Variants in OSBPL8 observed in about 807,000 individuals in gnomAD.
The protein encoded by OSBPL8 is oxysterol binding protein like 8, also known as oxysterol-binding protein-related protein 8.
Under a neutral mutation model 125.5 loss-of-function variants are expected in OSBPL8, and 59 were observed. That is an observed-to-expected ratio of 0.47 (90% CI 0.38 to 0.58). OSBPL8 has a LOEUF of 0.58. OSBPL8 is among the 20% of genes least tolerant of loss of function. The pLI is 0.00. For synonymous variants in OSBPL8, 330 were observed against 338.9 expected (o/e 0.97, Z 0.29); for missense variants, 758 against 1,047.8 (o/e 0.72, Z 3.82).
chr12:76,537,269 G>T (rs1950525015), intron 1 of OSBPL8, among the ~76,000 whole-genome samples: 1 of 151,954 alleles, frequency 6.6e-6, no homozygotes, highest in Non-Finnish European at 1.5e-5. Context: ...CTACTTAAAA[G>T]GTATCAAGAC....
intron 1 of OSBPL8, among the ~76,000 whole-genome samples, chr12:76,514,304 C>T (rs1363353685): frequency 1.4e-5 from 2 of 146,534 alleles, no homozygotes; most frequent in African/African-American, 5.0e-5. Flanking sequence ...GCCACCACGC[C>T]CAGCTAATTT....
intron 4 of OSBPL8, among the ~76,000 whole-genome samples, chr12:76,434,514 T>G (rs898568045): frequency 2.6e-5 from 4 of 152,086 alleles, no homozygotes; most frequent in Non-Finnish European, 5.9e-5. Context: ...TATATCAATC[T>G]AGAAAGATTC....
chr12:76,509,708 T>C (rs1880785052), intron 1 of OSBPL8, among the ~76,000 whole-genome samples: 1 of 152,026 alleles, frequency 6.6e-6, no homozygotes, highest in Non-Finnish European at 1.5e-5. Flanking sequence ...AAACAAAAAG[T>C]TGGACACTGA....
intron 2 of OSBPL8, among the ~76,000 whole-genome samples, chr12:76,469,246 A>T (rs1875829916): frequency 1.3e-5 from 2 of 151,368 alleles, no homozygotes; most frequent in African/African-American, 4.9e-5. Context: ...TACCTTAACC[A>T]CTCCTGAGCT....
At chr12:76,432,219 T>C (rs1414964809) in intron 4 of OSBPL8, among the ~76,000 whole-genome samples, 1 of 151,936 alleles carries the variant, frequency 6.6e-6, no homozygotes, top group Non-Finnish European at 1.5e-5. Flanking sequence ...AAAACAGAAA[T>C]TACTAAAATT....
chr12:76,511,290 T>C (rs1020519220), intron 1 of OSBPL8, among the ~76,000 whole-genome samples: 2 of 152,210 alleles, frequency 1.3e-5, no homozygotes, highest in Admixed American at 6.5e-5. Flanking sequence ...AAATAGTAGT[T>C]CTGCTTTTAG....
intron 1 of OSBPL8, among the ~76,000 whole-genome samples, chr12:76,554,163 CAATAA>C (rs1449508913): frequency 1.1e-4 from 16 of 151,294 alleles, no homozygotes; most frequent in Admixed American, 3.3e-4. Context: ...ACTGGATGAA[CAATAA>C]AATAAATATT....
In OSBPL8 at chr12:76,390,533, CT is replaced by C; in HGVS notation, c.1053del (p.Glu352LysfsTer23). 1 of 1,613,826 alleles carries C rather than the reference CT, an allele frequency of 6.2e-7. No homozygotes were observed. The highest frequency in any genetic ancestry group is 8.5e-7 in the Non-Finnish European group (1 of 1,179,858). ...ESDNEVMGKS[E>X]ESDTDTSERQ... ...CTTTCTGATGTATCTGTGTCACTTT[CT>C]TCACTTTTCCCCATCACCTCATTAT... is the stretch of plus-strand genomic sequence containing the variant. On this transcript the variant is annotated frameshift_variant, in exon 11 of 24. Coordinates refer to ENST00000261183, the MANE Select transcript of OSBPL8 (RefSeq NM_020841.5). LOFTEE classifies it high-confidence loss of function.
chr12:76,552,996 A>C (rs1391674762), intron 1 of OSBPL8, among the ~76,000 whole-genome samples: 1 of 152,182 alleles, frequency 6.6e-6, no homozygotes, highest in Non-Finnish European at 1.5e-5. Flanking sequence ...AAGTTATTAT[A>C]ATCATAACAA....
intron 2 of OSBPL8, among the ~76,000 whole-genome samples, chr12:76,480,216 T>A (rs1034871177): frequency 1.3e-5 from 2 of 148,650 alleles, no homozygotes; most frequent in African/African-American, 5.0e-5. Flanking sequence ...TAGGGAAGTG[T>A]AGGCACTGAA....
At chr12:76,372,125 C>G (rs545054766) in intron 18 of OSBPL8, among the ~76,000 whole-genome samples, 1 of 152,218 alleles carries the variant, frequency 6.6e-6, no homozygotes, top group South Asian at 2.1e-4. Context: ...TCTATCTAAT[C>G]TATTTTACCT....
rs369484524 is a variant in OSBPL8 at position 76,355,873 on chromosome 12, C to T, written c.*16G>A. On this transcript the variant is annotated 3_prime_UTR_variant, in exon 24 of 24. Transcript: ENST00000261183. The stretch of plus-strand genomic sequence containing the variant: ...ATCAGATCTTTCTAGTTCACTGATT[C>T]AATGGTAGAGAACTTCTACTTGAAC... 6.2e-7 allele frequency: 1 copy of T among 1,610,922 alleles called. No homozygotes were observed. The highest frequency in any genetic ancestry group is 8.5e-7 in the Non-Finnish European group (1 of 1,178,514).
At chr12:76,539,315 T>A (rs1950580333) in intron 1 of OSBPL8, among the ~76,000 whole-genome samples, 1 of 152,108 alleles carries the variant, frequency 6.6e-6, no homozygotes, top group South Asian at 2.1e-4. Context: ...ATAAGTAAAA[T>A]TTTTAAGTGT....
intron 15 of OSBPL8, among the ~76,000 whole-genome samples, chr12:76,384,002 C>A (rs1181385560): frequency 6.6e-6 from 1 of 152,130 alleles, no homozygotes; most frequent in African/African-American, 2.4e-5. Flanking sequence ...ACTTTATGCA[C>A]TAAAGGGCTA....
In OSBPL8 at chr12:76,516,539, T is replaced by C. The variant is rs553410745; in HGVS notation, c.-67-28921A>G. Among the ~76,000 whole-genome samples the C allele has an allele frequency of 2.6e-5, 4 of 152,210 alleles. No homozygotes were observed. In the East Asian group the frequency reaches 7.7e-4, roughly 29 times the overall value. Reference sequence around the variant, plus strand: ...GACCCTAGAAGGGTGGAGGAAAACTTTGCCTCCCTAAAGCAGCAAATTAAA... The same window carrying C: ...GACCCTAGAAGGGTGGAGGAAAACTCTGCCTCCCTAAAGCAGCAAATTAAA... On this transcript the variant is annotated intron_variant, in intron 1 of 23. Coordinates refer to ENST00000261183, the MANE Select transcript of OSBPL8 (RefSeq NM_020841.5).
At chr12:76,431,220 C>A (rs1297096939) in intron 4 of OSBPL8, among the ~76,000 whole-genome samples, 1 of 148,162 alleles carries the variant, frequency 6.7e-6, no homozygotes, top group African/African-American at 2.5e-5. Flanking sequence ...GTGAATACCA[C>A]AATAATCACC....
intron 2 of OSBPL8, among the ~76,000 whole-genome samples, chr12:76,469,037 C>T (rs1875800103): frequency 6.6e-6 from 1 of 152,176 alleles, no homozygotes; most frequent in Non-Finnish European, 1.5e-5. Context: ...ACACTGACCA[C>T]ACCTCTAGCA....
chr12:76,371,968 AACATACAC>A (rs1952635687), intron 18 of OSBPL8: 1 of 157,786 alleles, frequency 6.3e-6, no homozygotes, highest in East Asian at 1.8e-4. Context: ...AATATACTCA[AACATACAC>A]ACACACACAT....
intron 4 of OSBPL8, among the ~76,000 whole-genome samples, chr12:76,425,280 C>G (rs975482883): frequency 6.6e-6 from 1 of 152,092 alleles, no homozygotes; most frequent in African/African-American, 2.4e-5. Flanking sequence ...ACTACAGTAG[C>G]CCTTCTCAGC....
Sources: gnomAD v4.1 joint callset for allele counts (sites outside exome capture counted in the v4.1 genomes callset) on GRCh38, gnomAD v4.1.1 for gene constraint, MANE v1.5 for transcripts, NCBI Gene and HGNC (gene_info 2026-07-23, HGNC 2026-07-21) for gene names.